The following SLC4A4 variants were observed in gnomAD, a reference collection of about 807,000 sequenced individuals.
SLC4A4 encodes the protein solute carrier family 4 member 4.
Under a neutral mutation model 111.5 loss-of-function variants are expected in SLC4A4, and 27 were observed. The observed-to-expected ratio is 0.24, with a 90% CI of 0.18 to 0.33. The LOEUF (loss-of-function observed/expected upper bound fraction) is 0.33. Ranked by LOEUF, SLC4A4 falls within the 10% of genes least tolerant of loss-of-function variation. SLC4A4 has a pLI of 1.00. For missense variants in SLC4A4, 909 were observed against 1,315.5 expected (o/e 0.69, Z 4.78); for synonymous variants, 443 against 463.4 (o/e 0.96, Z 0.57).
Position 71,173,390 on chromosome 4 carries a change from T to TTA in SLC4A4, c.-1-63186_-1-63185insTA, listed in dbSNP as rs1403422355. On this transcript the variant is annotated intron_variant, in intron 2 of 26. Coordinates refer to the SLC4A4 transcript ENST00000649996. The stretch of plus-strand genomic sequence containing the variant: ...ATCTTTTATTATTAATTAATTAATT[T>TTA]ATTTATTTTGAAATGGAGTCTCCTC... Among the ~76,000 whole-genome samples, 34 of 152,270 alleles carry TTA rather than the reference T, an allele frequency of 2.2e-4. 1 individual carries two copies. The East Asian group carries it at 3.7e-3, about 16-fold the overall frequency.
intron 3 of SLC4A4, among the ~76,000 whole-genome samples, chr4:71,313,447 C>T (rs1726381774): frequency 6.6e-6 from 1 of 152,110 alleles, no homozygotes; most frequent in South Asian, 2.1e-4. Flanking sequence ...CCATATGGAA[C>T]CAAAAAAGCC....
chr4:71,303,606 A>T (rs527808044), intron 3 of SLC4A4, among the ~76,000 whole-genome samples: 1 of 152,318 alleles, frequency 6.6e-6, no homozygotes, highest in African/African-American at 2.4e-5. Flanking sequence ...GGGAGGCCGT[A>T]ATTTAACATT....
At chr4:71,345,031 A>T (rs531432099) in intron 4 of SLC4A4, among the ~76,000 whole-genome samples, 3 of 152,296 alleles carry the variant, frequency 2.0e-5, no homozygotes, top group African/African-American at 7.2e-5. Context: ...CAACTCTATC[A>T]CCATCCCTTT....
intron 2 of SLC4A4, among the ~76,000 whole-genome samples, chr4:71,102,470 C>T (rs964698885): frequency 7.9e-5 from 12 of 151,890 alleles, no homozygotes; most frequent in African/African-American, 2.9e-4. Flanking sequence ...ACATAATTGT[C>T]AGATTCACCA....
At chr4:71,546,607 G>C in intron 19 of SLC4A4, 79 bp downstream of exon 19, 1 of 1,210,770 alleles carries the variant, frequency 8.3e-7, no homozygotes, top group South Asian at 1.3e-5. Flanking sequence ...GATATGGGCA[G>C]ATTTGGAGGA....
intron 12 of SLC4A4, among the ~76,000 whole-genome samples, chr4:71,463,874 CA>C (rs1422122176): frequency 6.6e-6 from 1 of 152,130 alleles, no homozygotes; most frequent in Admixed American, 6.6e-5. Context: ...ATAGCTATGT[CA>C]AATCAAGTAG....
intron 18 of SLC4A4, among the ~76,000 whole-genome samples, chr4:71,545,341 T>C (rs2149232629): frequency 6.6e-6 from 1 of 152,066 alleles, no homozygotes; most frequent in East Asian, 1.9e-4. Flanking sequence ...AGTCACCAGG[T>C]TCCTAGTGTA....
intron 2 of SLC4A4, among the ~76,000 whole-genome samples, chr4:71,112,197 A>G (rs1743107207): frequency 6.6e-6 from 1 of 152,230 alleles, no homozygotes; most frequent in African/African-American, 2.4e-5. Flanking sequence ...CCACTAATTA[A>G]AAACAAACAA....
At chr4:71,538,620 GAGAA>G (rs1734773752) in intron 18 of SLC4A4, among the ~76,000 whole-genome samples, 1 of 152,108 alleles carries the variant, frequency 6.6e-6, no homozygotes, top group African/African-American at 2.4e-5. Flanking sequence ...TGTTTCAAAA[GAGAA>G]AGCTGAAACT....
chr4:71,347,499 T>C (rs1245740807), intron 4 of SLC4A4, among the ~76,000 whole-genome samples: 1 of 152,124 alleles, frequency 6.6e-6, no homozygotes, highest in East Asian at 1.9e-4. Context: ...CTTTACGTGG[T>C]GGAAGGGGCT....
At chr4:71,475,941 T>A (rs1728328324) in intron 14 of SLC4A4, among the ~76,000 whole-genome samples, 1 of 151,832 alleles carries the variant, frequency 6.6e-6, no homozygotes. Context: ...ATCTTCATCA[T>A]CCTTCCTTCT....
chr4:71,357,095 G>T lies in SLC4A4; in HGVS notation c.638G>T (p.Arg213Leu). Reference sequence around the variant, plus strand: ...ACCTATACTTTGCTCCGGAAGCACCGGCATCAAACCAAGAAATCCAACCTT... The same window carrying T: ...ACCTATACTTTGCTCCGGAAGCACCTGCATCAAACCAAGAAATCCAACCTT... ...KVTYTLLRKHRHQTKKSNLRS... is the reference protein window; with the variant it reads ...KVTYTLLRKHLHQTKKSNLRS... Residue 213 changes from arginine (R) to leucine (L), a missense_variant, in exon 6 of 26, where the codon CGG (arginine) becomes CTG (leucine). This residue lies in a region of SLC4A4 where 312 missense variants were observed against 402.0 expected (regional missense o/e 0.78). Transcript: ENST00000264485. 6.2e-7 allele frequency: 1 copy of T among 1,613,994 alleles called. No individual in the cohort carries two copies. The highest frequency in any genetic ancestry group is 1.1e-5 in the South Asian group (1 of 91,076).
chr4:71,343,079 A>G (rs888813882), intron 4 of SLC4A4, among the ~76,000 whole-genome samples: 13 of 152,178 alleles, frequency 8.5e-5, no homozygotes, highest in African/African-American at 2.7e-4. Context: ...AGAGACTACC[A>G]TGTCTGTTCA....
At chr4:71,179,784 A>G (rs1033297653) in intron 2 of SLC4A4, among the ~76,000 whole-genome samples, 15 of 152,302 alleles carry the variant, frequency 9.8e-5, no homozygotes, top group African/African-American at 3.4e-4. Flanking sequence ...GCCCAAGGTA[A>G]TTTATAGATT....
chr4:71,261,433 T>C (rs12643326), intron 3 of SLC4A4, among the ~76,000 whole-genome samples: 104,147 of 152,082 alleles, frequency 0.68, 39,765 homozygotes, highest in Non-Finnish European at 0.87. Flanking sequence ...TAAGAAGGGC[T>C]GTTGGGTGGG....
At chr4:71,539,627 A>G (rs1734863741) in intron 18 of SLC4A4, among the ~76,000 whole-genome samples, 1 of 152,090 alleles carries the variant, frequency 6.6e-6, no homozygotes, top group Non-Finnish European at 1.5e-5. Flanking sequence ...TGTAGCTTTC[A>G]CCTTTAATGT....
intron 2 of SLC4A4, among the ~76,000 whole-genome samples, chr4:71,113,040 T>C (rs982961359): frequency 6.6e-6 from 1 of 152,164 alleles, no homozygotes; most frequent in Non-Finnish European, 1.5e-5. Flanking sequence ...TAAGATCTGC[T>C]GTAAAGTGCG....
upstream of SLC4A4, among the ~76,000 whole-genome samples, chr4:71,184,467 C>T (rs144193799): frequency 2.0e-5 from 3 of 152,216 alleles, no homozygotes; most frequent in African/African-American, 7.2e-5. Flanking sequence ...TTGGATGATA[C>T]GAAAGAAATT....
At chr4:71,304,438 C>T (rs564285238) in intron 3 of SLC4A4, among the ~76,000 whole-genome samples, 33 of 152,282 alleles carry the variant, frequency 2.2e-4, no homozygotes, top group Admixed American at 7.8e-4. Context: ...TTCACCTTTC[C>T]GCCATCTTTT....
Sources: allele counts gnomAD v4.1 joint callset (sites outside exome capture counted in the v4.1 genomes callset), GRCh38; gene constraint gnomAD v4.1.1; regional missense constraint gnomAD v4.1.1; transcripts MANE v1.5; gene names NCBI Gene and HGNC (gene_info 2026-07-23, HGNC 2026-07-21).